Variants in PTPRH observed in about 807,000 individuals in gnomAD.
PTPRH encodes the protein receptor-type tyrosine-protein phosphatase H.
Under a neutral mutation model 130.2 loss-of-function variants are expected in PTPRH, and 113 were observed. That is an observed-to-expected ratio of 0.87 (90% CI 0.75 to 1.01). The LOEUF is 1.01. Ranked by LOEUF, PTPRH falls within the 50% of genes least tolerant of loss-of-function variation. The pLI is 0.00. For missense variants in PTPRH, 1,430 were observed against 1,425.0 expected (o/e 1.00, Z -0.06); for synonymous variants, 556 against 577.9 (o/e 0.96, Z 0.54).
intron 18 of PTPRH, among the ~76,000 whole-genome samples, chr19:55,183,226 T>C (rs2147358430): frequency 6.8e-6 from 1 of 146,620 alleles, no homozygotes; most frequent in South Asian, 2.1e-4. Flanking sequence ...AAACCCCGTC[T>C]CTACTAAAGT....
intron 13 of PTPRH, 49 bp downstream of exon 13, chr19:55,188,029 C>A: frequency 6.7e-7 from 1 of 1,486,710 alleles, no homozygotes. Context: ...GGGTGGGGGT[C>A]TGGGCCACCG....
In PTPRH at chr19:55,205,553, G is replaced by A; in HGVS notation, c.392C>T (p.Thr131Ile). 1 of 1,614,248 alleles carries A rather than the reference G, an allele frequency of 6.2e-7. No homozygotes were observed. The highest frequency in any genetic ancestry group is 8.5e-7 in the Non-Finnish European group (1 of 1,180,046). ...CCAGGTCAGGGCGATGGAGCTGTTG[G>A]TCTGAGCCTCCACTCTCAGGTTCCT... The part of the protein sequence containing the change: ...PVRNLRVEAQ[T>I]NSSIALTWEV... Residue 131 changes from threonine (T) to isoleucine (I), a missense_variant, in exon 4 of 20, where the codon ACC becomes ATC. Coordinates refer to ENST00000376350, the MANE Select transcript of PTPRH (RefSeq NM_002842.5).
chr19:55,207,260 C>CGAGGGGCTGGGAG (rs1157086091), intron 1 of PTPRH, 61 bp from the exon 2 acceptor site: 10 of 1,571,458 alleles, frequency 6.4e-6, no homozygotes, highest in Admixed American at 1.8e-5. Flanking sequence ...CCAGTGAGGC[C>CGAGGGGCTGGGAG]GAGGGGCTGG....
At chr19:55,190,607 A>T (rs1347709464) in intron 12 of PTPRH, among the ~76,000 whole-genome samples, 1 of 134,822 alleles carries the variant, frequency 7.4e-6, no homozygotes, top group Non-Finnish European at 1.5e-5. Context: ...TATATTATAT[A>T]TTATATATAT....
In PTPRH at chr19:55,188,187, C is replaced by A. The variant is rs1187247182; in HGVS notation, c.2385-19G>T. On this transcript the variant is annotated intron_variant, in intron 12 of 19. Coordinates refer to ENST00000376350, the MANE Select transcript of PTPRH (RefSeq NM_002842.5). ...TGGGGAGCTACGGGTTTTGGGGGAG[C>A]AGGGAGAAAAGACCGTAACTTCTTT... is the stretch of plus-strand genomic sequence containing the variant. 6.3e-7 allele frequency: 1 copy of A among 1,598,934 alleles called. No homozygotes were observed.
At position 55,196,640 on chromosome 19, in the gene PTPRH, C is replaced by T; in HGVS notation, c.2139G>A (p.Gly713=). ...QRGSQDRSSC[G]EAVSVLGLGP... The stretch of plus-strand genomic sequence containing the variant: ...CGAGACCCAACACAGACACAGCCTC[C>T]CCACATGAAGATCTGTCCTGGGAGC... Residue 713 remains glycine, a synonymous_variant, in exon 10 of 20, where the codon GGG becomes GGA. Coordinates refer to ENST00000376350, the MANE Select transcript of PTPRH (RefSeq NM_002842.5). 6.2e-7 allele frequency: 1 copy of T among 1,614,086 alleles called. No homozygotes were observed. The highest frequency in any genetic ancestry group is 8.5e-7 in the Non-Finnish European group (1 of 1,180,026).
At chr19:55,194,034 G>A in intron 10 of PTPRH, 1 of 571,748 alleles carries the variant, frequency 1.7e-6, no homozygotes, top group Non-Finnish European at 2.7e-6. Flanking sequence ...ATTTTTAGTA[G>A]AGACAGGGTT....
intron 4 of PTPRH, among the ~76,000 whole-genome samples, chr19:55,205,099 G>C (rs1410435043): frequency 6.6e-6 from 1 of 151,852 alleles, no homozygotes; most frequent in African/African-American, 2.4e-5. Flanking sequence ...GTGCAGGAAG[G>C]TACATTCTAG....
In PTPRH at chr19:55,186,493, A is replaced by C. The variant is rs929922703; in HGVS notation, c.2614T>G (p.Ser872Ala). 2 of 1,558,372 alleles carry C rather than the reference A, an allele frequency of 1.3e-6. No individual in the cohort carries two copies. The highest frequency in any genetic ancestry group is 8.6e-7 in the Non-Finnish European group (1 of 1,159,024). The change falls in exon 15 of 20, where the codon TCT (serine) becomes GCT (alanine). Residue 872 changes from serine (S) to alanine (A), a missense_variant. By Grantham distance (99) the Ser-to-Ala change is moderately conservative. Coordinates refer to ENST00000376350, the MANE Select transcript of PTPRH (RefSeq NM_002842.5). Reference protein sequence around the residue: ...PLKPIHEEPGSDYINASFMPG... With the variant: ...PLKPIHEEPGADYINASFMPG... ...ATGAAGCTGGCATTGATGTAGTCAGAGCCTGGCTCCTCATGGATGGGCTTC... is the reference window on the plus strand; with the variant it reads ...ATGAAGCTGGCATTGATGTAGTCAGCGCCTGGCTCCTCATGGATGGGCTTC...
At chr19:55,205,258 C>A in intron 4 of PTPRH, 68 bp downstream of exon 4, 1 of 1,589,718 alleles carries the variant, frequency 6.3e-7, no homozygotes, top group Non-Finnish European at 8.6e-7. Context: ...GAATAGAAAT[C>A]CGCTACGTTC....
intron 16 of PTPRH, 25 bp downstream of exon 16, chr19:55,186,189 TGCACCCAGTCA>T: frequency 6.3e-7 from 1 of 1,593,526 alleles, no homozygotes; most frequent in Non-Finnish European, 8.6e-7. Flanking sequence ...GGCGGGGTCC[TGCACCCAGTCA>T]GCACCCAGGA....
At chr19:55,199,743 GAGAAGGAA>G (rs2086796374) in intron 7 of PTPRH, among the ~76,000 whole-genome samples, 1 of 86,414 alleles carries the variant, frequency 1.2e-5, no homozygotes, top group Non-Finnish European at 2.2e-5. Flanking sequence ...GGGAAGGAAA[GAGAAGGAA>G]AGAAAGAGAA....
intron 19 of PTPRH, 53 bp downstream of exon 19, chr19:55,181,963 A>G: frequency 1.2e-6 from 2 of 1,613,536 alleles, no homozygotes; most frequent in Non-Finnish European, 1.7e-6. Flanking sequence ...GTGGAGCCCC[A>G]GGGTCCCTCG....
intron 18 of PTPRH, among the ~76,000 whole-genome samples, chr19:55,182,631 A>G (rs766878538): frequency 1.3e-4 from 19 of 150,692 alleles, no homozygotes; most frequent in Admixed American, 7.9e-4. Flanking sequence ...AAACCTAAGA[A>G]GTCGGATGTA....
At chr19:55,184,034 C>T (rs1479987416) in intron 18 of PTPRH, among the ~76,000 whole-genome samples, 3 of 152,028 alleles carry the variant, frequency 2.0e-5, no homozygotes, top group Non-Finnish European at 2.9e-5. Flanking sequence ...CCTGTAATCC[C>T]AGCACTTTGG....
chr19:55,189,483 C>A (rs1172843077), intron 12 of PTPRH, among the ~76,000 whole-genome samples: 1 of 152,204 alleles, frequency 6.6e-6, no homozygotes, highest in Non-Finnish European at 1.5e-5. Flanking sequence ...CTGCCCTCCC[C>A]TTCCTCACTC....
rs1799984759 is a variant in PTPRH, at chr19:55,196,899, A to C, written c.1991-111T>G. 3.7e-6 allele frequency: 5 copies of C among 1,361,200 alleles called. No homozygotes were observed. In the Admixed American group the frequency reaches 1.1e-4, roughly 31 times the overall value. The allele number at this position is 1,361,200 out of a possible 1,614,324, so 84.3% of individuals were successfully genotyped here. On this transcript the variant is annotated intron_variant, in intron 9 of 19. Transcript: ENST00000376350. ...GCCCATCCCTTCCTCGCCAAATCCA[A>C]ACTACCTCATCTTCCCTCCTTTTCT...
At chr19:55,187,344 CA>C (rs58124409) in intron 14 of PTPRH, among the ~76,000 whole-genome samples, 168 bp downstream of exon 14, 2,055 of 45,158 alleles carry the variant, frequency 0.046, 4 homozygotes, top group Middle Eastern at 0.071. Context: ...GACTCCGTCT[CA>C]AAAAAAAAAA....
At chr19:55,198,134 T>C (rs538272631) in intron 8 of PTPRH, among the ~76,000 whole-genome samples, 72 of 152,310 alleles carry the variant, frequency 4.7e-4, no homozygotes, top group African/African-American at 1.3e-3. Context: ...GGAGAATCAG[T>C]TGAGCCCAGG....
Sources: allele counts gnomAD v4.1 joint callset (sites outside exome capture counted in the v4.1 genomes callset), GRCh38; gene constraint gnomAD v4.1.1; transcripts MANE v1.5; gene names NCBI Gene and HGNC (gene_info 2026-07-23, HGNC 2026-07-21).